UBE2B: variants seen among roughly 807,000 people sequenced by gnomAD.
UBE2B encodes ubiquitin-conjugating enzyme E2 B.
UBE2B carries 11 observed loss-of-function variants against 24.6 expected under a neutral mutation model. The ratio of observed to expected loss-of-function variants is 0.45; its 90% CI spans 0.28 to 0.74. The LOEUF (loss-of-function observed/expected upper bound fraction) is 0.74, where lower values mean the gene tolerates loss of function less well. Ranked by LOEUF, UBE2B falls within the 30% of genes least tolerant of loss-of-function variation. The pLI is 0.13. For synonymous variants in UBE2B, 68 were observed against 62.4 expected (o/e 1.09, Z -0.42); for missense variants, 78 against 185.6 (o/e 0.42, Z 3.37).
chr5:134,387,129 T>G (rs552369013), intron 4 of UBE2B, among the ~76,000 whole-genome samples: 1 of 152,128 alleles, frequency 6.6e-6, no homozygotes, highest in South Asian at 2.1e-4. Context: ...CTGGCTAATT[T>G]TTGTATTTTT....
intron 3 of UBE2B, among the ~76,000 whole-genome samples, chr5:134,378,478 C>T (rs892890025): frequency 2.6e-5 from 4 of 151,988 alleles, no homozygotes; most frequent in African/African-American, 9.7e-5. Context: ...CAGGCTGGGG[C>T]CTTAAACTCC....
At chr5:134,389,988 T>C (rs1581328103) in intron 5 of UBE2B, 2 of 476,024 alleles carry the variant, frequency 4.2e-6, no homozygotes, top group East Asian at 4.3e-5. Flanking sequence ...GCTGAAATTA[T>C]AGGTCTTAAG....
intron 2 of UBE2B, among the ~76,000 whole-genome samples, chr5:134,375,461 A>G (rs995418766): frequency 2.0e-5 from 3 of 152,146 alleles, no homozygotes; most frequent in African/African-American, 7.2e-5. Flanking sequence ...ACATTTAAAG[A>G]CTAGTGGAAA....
At chr5:134,387,876 C>T (rs1263569308) in intron 4 of UBE2B, among the ~76,000 whole-genome samples, 1 of 152,098 alleles carries the variant, frequency 6.6e-6, no homozygotes, top group Non-Finnish European at 1.5e-5. Context: ...GATCTCAGCT[C>T]ACTGCAACCC....
At chr5:134,377,616 G>C (rs774886105) in intron 3 of UBE2B, among the ~76,000 whole-genome samples, 6 of 152,132 alleles carry the variant, frequency 3.9e-5, no homozygotes, top group Admixed American at 6.5e-5. Flanking sequence ...TTATCTGTGG[G>C]GGGGGTAAGG....
intron 4 of UBE2B, among the ~76,000 whole-genome samples, chr5:134,387,864 G>A (rs1758832219): frequency 6.6e-6 from 1 of 152,148 alleles, no homozygotes; most frequent in Non-Finnish European, 1.5e-5. Context: ...GTGCAGTGGT[G>A]TGATCTCAGC....
chr5:134,373,989 G>A (rs550817244), intron 1 of UBE2B, among the ~76,000 whole-genome samples: 1 of 152,012 alleles, frequency 6.6e-6, no homozygotes, highest in Non-Finnish European at 1.5e-5. Context: ...TATTCCTTTG[G>A]GTATATACCC....
chr5:134,378,181 C>T (rs1055411717), intron 3 of UBE2B, among the ~76,000 whole-genome samples: 4 of 152,086 alleles, frequency 2.6e-5, no homozygotes, highest in African/African-American at 9.7e-5. Context: ...AAAAAAGTTA[C>T]CAATTTTTCT....
In UBE2B at chr5:134,371,572, C is replaced by T; in HGVS notation, c.-24C>T. On this transcript the variant is annotated 5_prime_UTR_variant, in exon 1 of 6. Coordinates refer to ENST00000265339, the MANE Select transcript of UBE2B (RefSeq NM_003337.4). ...TGCGCGGGACTTTTTTTTTTTCAGA[C>T]TGACCGCGGGGCAGCTGCGGAGCAT... The T allele has an allele frequency of 6.2e-7, 1 of 1,610,338 alleles. No homozygotes were observed. The highest frequency in any genetic ancestry group is 8.5e-7 in the Non-Finnish European group (1 of 1,178,938).
At chr5:134,377,824 G>A (rs139455817) in intron 3 of UBE2B, among the ~76,000 whole-genome samples, 4 of 152,246 alleles carry the variant, frequency 2.6e-5, no homozygotes, top group African/African-American at 9.6e-5. Context: ...AAGTAGTTTC[G>A]TATCTTAGAA....
chr5:134,377,944 A>C (rs1758636297), intron 3 of UBE2B, among the ~76,000 whole-genome samples: 1 of 152,356 alleles, frequency 6.6e-6, no homozygotes, highest in Admixed American at 6.5e-5. Context: ...CTGTATAGCC[A>C]GCACTTTGGG....
intron 3 of UBE2B, among the ~76,000 whole-genome samples, chr5:134,378,067 C>T (rs1758638658): frequency 6.6e-6 from 1 of 152,018 alleles, no homozygotes; most frequent in Admixed American, 6.6e-5. Flanking sequence ...CCTTTAGTCC[C>T]AGCTACTTGG....
At chr5:134,380,887 T>G (rs1758696798) in intron 4 of UBE2B, 79 bp downstream of exon 4, 2 of 951,928 alleles carry the variant, frequency 2.1e-6, no homozygotes, top group Admixed American at 4.0e-5. Flanking sequence ...TTCACCTTAC[T>G]TTTTACTGTT....
chr5:134,383,473 C>CTTTTTTT lies in UBE2B; in HGVS notation c.241+2686_241+2692dup, dbSNP rs747399191. ...TGCAGATGTGTGCCACCATACCCAG[C>CTTTTTTT]TTTTTTTTTTTTTTTTTTTTTTTTT... On this transcript the variant is annotated intron_variant, in intron 4 of 5. Transcript: ENST00000265339. 2.9e-4 allele frequency among the ~76,000 whole-genome samples: 23 copies of CTTTTTTT among 80,036 alleles called. 3 individuals carry two copies. Among genetic ancestry groups the CTTTTTTT allele is most frequent in the African/African-American group, 1.1e-3 (20 of 18,432 alleles). 52.5% of individuals were successfully genotyped at this position (80,036 alleles called of 152,430 possible).
intron 5 of UBE2B, among the ~76,000 whole-genome samples, chr5:134,389,609 C>T (rs369595501): frequency 1.3e-5 from 2 of 149,184 alleles, no homozygotes; most frequent in South Asian, 2.1e-4. Flanking sequence ...AGTACAGTGG[C>T]GCGATCTCAG....
chr5:134,388,751 T>TA (rs920118945), intron 5 of UBE2B, among the ~76,000 whole-genome samples: 3 of 152,082 alleles, frequency 2.0e-5, no homozygotes, highest in Non-Finnish European at 2.9e-5. Context: ...AATTCTATTT[T>TA]AAAAAAAGAA....
chr5:134,380,852 G>C (rs1758696242), intron 4 of UBE2B, 44 bp downstream of exon 4: 6 of 1,290,264 alleles, frequency 4.7e-6, no homozygotes, highest in Non-Finnish European at 6.6e-6. Flanking sequence ...GTGGGGAAAA[G>C]AGTTGTTTCC....
At chr5:134,377,124 G>A (rs745547214) in intron 3 of UBE2B, among the ~76,000 whole-genome samples, 26 of 152,284 alleles carry the variant, frequency 1.7e-4, no homozygotes, top group Non-Finnish European at 3.7e-4. Flanking sequence ...ACACCCATAA[G>A]TAGTTATCAT....
At chr5:134,389,897 G>C (rs1758873931) in intron 5 of UBE2B, 1 of 349,558 alleles carries the variant, frequency 2.9e-6, no homozygotes, top group South Asian at 2.4e-5. Flanking sequence ...CCCAGGCTGG[G>C]CTTGAACTGC....
Sources: allele counts gnomAD v4.1 joint callset (sites outside exome capture counted in the v4.1 genomes callset), GRCh38; gene constraint gnomAD v4.1.1; transcripts MANE v1.5; gene names NCBI Gene and HGNC (gene_info 2026-07-23, HGNC 2026-07-21).